Variants in SHC3 observed in about 807,000 individuals in gnomAD.
SHC3 encodes SHC adaptor protein 3.
Under a neutral mutation model 60.4 loss-of-function variants are expected in SHC3, and 15 were observed. That is an observed-to-expected ratio of 0.25 (90% CI 0.17 to 0.38). The LOEUF is 0.38. Among genes scored for constraint, SHC3 ranks in the 10% least tolerant of loss-of-function variants. SHC3 has a pLI of 1.00. For missense variants in SHC3, 677 were observed against 786.1 expected (o/e 0.86, Z 1.66); for synonymous variants, 294 against 325.9 (o/e 0.90, Z 1.05).
intron 1 of SHC3, among the ~76,000 whole-genome samples, chr9:89,114,374 T>C (rs1374072953): frequency 6.6e-6 from 1 of 152,130 alleles, no homozygotes; most frequent in African/African-American, 2.4e-5. Context: ...ACGTATACAG[T>C]TAGCCCTACA....
intron 1 of SHC3, among the ~76,000 whole-genome samples, chr9:89,148,414 T>A (rs997483838): frequency 6.6e-6 from 1 of 152,216 alleles, no homozygotes; most frequent in African/African-American, 2.4e-5. Context: ...TCAAAAGACA[T>A]TGTTGAAAAA....
intron 1 of SHC3, among the ~76,000 whole-genome samples, chr9:89,130,592 C>G (rs1338583198): frequency 3.3e-5 from 5 of 152,056 alleles, no homozygotes; most frequent in Admixed American, 1.3e-4. Flanking sequence ...AATCAAACTA[C>G]AACTCAGGAT....
intron 6 of SHC3, among the ~76,000 whole-genome samples, chr9:89,059,628 A>C (rs1422133411): frequency 9.2e-6 from 1 of 108,116 alleles, no homozygotes; most frequent in Non-Finnish European, 1.8e-5. Context: ...GTGGTGGAGG[A>C]CGTGGTGGAG....
At chr9:89,107,839 C>T (rs1439215540) in intron 2 of SHC3, among the ~76,000 whole-genome samples, 1 of 152,156 alleles carries the variant, frequency 6.6e-6, no homozygotes, top group Non-Finnish European at 1.5e-5. Flanking sequence ...TTCCCTTTCC[C>T]TGGCATGTTT....
intron 1 of SHC3, among the ~76,000 whole-genome samples, chr9:89,148,756 G>T (rs529510845): frequency 1.3e-5 from 2 of 152,234 alleles, no homozygotes; most frequent in South Asian, 4.2e-4. Flanking sequence ...GTTTCTATGT[G>T]CCAAGCACTC....
chr9:89,106,526 A>G (rs1825862367), intron 2 of SHC3, among the ~76,000 whole-genome samples: 1 of 151,968 alleles, frequency 6.6e-6, no homozygotes, highest in Admixed American at 6.6e-5. Context: ...GGAGCAGGGG[A>G]CTGTCCTTCA....
rs369242559 is a variant in SHC3 at position 89,045,842 on chromosome 9, A to T, written c.1114-9T>A. ...TGCTCTTTTCCTGCAAACTATAGAC[A>T]CATGTAAATACACAGAATGAAAAAA... On this transcript the variant is annotated splice_polypyrimidine_tract_variant and intron_variant, in intron 8 of 11. Coordinates refer to ENST00000375835, the MANE Select transcript of SHC3 (RefSeq NM_016848.6). 3 of 1,611,124 alleles carry T rather than the reference A, an allele frequency of 1.9e-6. No individual in the cohort carries two copies. In the African/African-American group the frequency reaches 4.0e-5, roughly 22 times the overall value.
At chr9:89,035,851 ATGTG>A (rs34601277) in intron 11 of SHC3, among the ~76,000 whole-genome samples, 3,676 of 128,432 alleles carry the variant, frequency 0.029, 164 homozygotes, top group African/African-American at 0.089. Context: ...ATATATATAG[ATGTG>A]TGTGTGTGTG....
chr9:89,038,173 C>T lies in SHC3; in HGVS notation c.1476G>A (p.Glu492=), dbSNP rs1824615265. 1 of 1,614,042 alleles carries T rather than the reference C, an allele frequency of 6.2e-7. No individual in the cohort carries two copies. Among genetic ancestry groups the T allele is most frequent in the Admixed American group, 1.7e-5 (1 of 60,020 alleles). Residue 492 remains glutamate, a synonymous_variant, in exon 11 of 12, where the codon GAG becomes GAA. Coordinates refer to ENST00000375835, the MANE Select transcript of SHC3 (RefSeq NM_016848.6). Reference sequence around the variant, plus strand: ...GGTACCAAGTCTCGGCTTGCAGTTCCTCCAGCATCTTGGCATCTGGGGCTC... The same window carrying T: ...GGTACCAAGTCTCGGCTTGCAGTTCTTCCAGCATCTTGGCATCTGGGGCTC... The part of the protein sequence containing the change: ...SPRAPDAKML[E]ELQAETWYQG...
chr9:89,033,506 C>T (rs1824524375), intron 11 of SHC3, among the ~76,000 whole-genome samples: 1 of 152,182 alleles, frequency 6.6e-6, no homozygotes, highest in South Asian at 2.1e-4. Context: ...GATTCTACAT[C>T]TGCTAGTAGC....
chr9:89,122,693 T>G (rs1305900132), intron 1 of SHC3, among the ~76,000 whole-genome samples: 1 of 152,188 alleles, frequency 6.6e-6, no homozygotes, highest in African/African-American at 2.4e-5. Flanking sequence ...AAGGGCCACC[T>G]AAGGGTATGA....
At chr9:89,100,172 A>G (rs1167477931) in intron 2 of SHC3, among the ~76,000 whole-genome samples, 1 of 152,194 alleles carries the variant, frequency 6.6e-6, no homozygotes, top group African/African-American at 2.4e-5. Context: ...AACACTTAGA[A>G]CTGATCCAAG....
intron 1 of SHC3, among the ~76,000 whole-genome samples, chr9:89,166,737 C>T (rs999738326): frequency 6.6e-6 from 1 of 152,042 alleles, no homozygotes; most frequent in Admixed American, 6.5e-5. Context: ...GGAAAGGATG[C>T]GCAAGGGAAG....
At chr9:89,017,326 G>T (rs932525379) in intron 11 of SHC3, among the ~76,000 whole-genome samples, 2 of 152,048 alleles carry the variant, frequency 1.3e-5, no homozygotes, top group Non-Finnish European at 2.9e-5. Context: ...CAGAACAGAG[G>T]CCTCAGAAAT....
chr9:89,065,583 G>A lies in SHC3; in HGVS notation c.784-3C>T. 6.2e-7 allele frequency: 1 copy of A among 1,613,934 alleles called. No homozygotes were observed. The highest frequency in any genetic ancestry group is 8.5e-7 in the Non-Finnish European group (1 of 1,179,966). ...TATGCAACATAGTCAGTTGTGTCCTGTTAAAGAAAAAAGAGATGTCTATGT... is the reference window on the plus strand; with the variant it reads ...TATGCAACATAGTCAGTTGTGTCCTATTAAAGAAAAAAGAGATGTCTATGT... On this transcript the variant is annotated splice_region_variant and splice_polypyrimidine_tract_variant and intron_variant, in intron 5 of 11. Coordinates refer to ENST00000375835, the MANE Select transcript of SHC3 (RefSeq NM_016848.6).
intron 1 of SHC3, among the ~76,000 whole-genome samples, chr9:89,151,673 C>T (rs565996502): frequency 7.2e-5 from 11 of 152,146 alleles, no homozygotes; most frequent in Non-Finnish European, 1.5e-4. Context: ...GTATTCTTTA[C>T]ATATTCCAGG....
At chr9:89,152,132 T>C (rs1264688282) in intron 1 of SHC3, among the ~76,000 whole-genome samples, 3 of 152,164 alleles carry the variant, frequency 2.0e-5, no homozygotes, top group African/African-American at 4.8e-5. Flanking sequence ...TCTGGAAAAT[T>C]AGAGTTAAAG....
intron 5 of SHC3, among the ~76,000 whole-genome samples, chr9:89,070,619 A>T (rs1243935370): frequency 6.6e-6 from 1 of 152,046 alleles, no homozygotes; most frequent in Admixed American, 6.5e-5. Context: ...TTGTTATTCC[A>T]CCTTCTTCAT....
intron 11 of SHC3, among the ~76,000 whole-genome samples, chr9:89,029,434 C>G (rs995872300): frequency 6.6e-6 from 1 of 152,024 alleles, no homozygotes; most frequent in African/African-American, 2.4e-5. Flanking sequence ...CATACTACAA[C>G]TAACCATACT....
Sources: gnomAD v4.1 joint callset for allele counts (sites outside exome capture counted in the v4.1 genomes callset) on GRCh38, gnomAD v4.1.1 for gene constraint, MANE v1.5 for transcripts, NCBI Gene and HGNC (gene_info 2026-07-23, HGNC 2026-07-21) for gene names.